Variants in SLC24A2 observed in about 807,000 individuals in gnomAD.
SLC24A2 encodes the protein sodium/potassium/calcium exchanger 2.
SLC24A2 carries 36 observed loss-of-function variants against 62.0 expected under a neutral mutation model. The observed-to-expected ratio is 0.58, with a 90% confidence interval of 0.44 to 0.77. The LOEUF (loss-of-function observed/expected upper bound fraction) is 0.77, where lower values mean the gene tolerates loss of function less well. Among genes scored for constraint, SLC24A2 ranks in the 30% least tolerant of loss-of-function variants. The probability of loss-of-function intolerance (pLI) is 0.00; values close to 1 mark genes in which losing one functional copy is unlikely to be tolerated. For synonymous variants in SLC24A2, 358 were observed against 294.0 expected (o/e 1.22, Z -2.23); for missense variants, 846 against 817.9 (o/e 1.03, Z -0.42).
At chr9:19,648,961 T>G (rs758860491) in intron 2 of SLC24A2, among the ~76,000 whole-genome samples, 2 of 128,540 alleles carry the variant, frequency 1.6e-5, no homozygotes, top group Non-Finnish European at 3.1e-5. Flanking sequence ...TATTCCAAAA[T>G]GAGAGGGCTT....
chr9:20,261,698 C>G, the SLC24A2 span, among the ~76,000 whole-genome samples: 2 of 148,786 alleles, frequency 1.3e-5, no homozygotes, highest in African/African-American at 5.0e-5. Context: ...AAAGTAAAGC[C>G]TGGCCATTTT....
At chr9:19,821,643 A>G in the SLC24A2 span, among the ~76,000 whole-genome samples, 1 of 152,052 alleles carries the variant, frequency 6.6e-6, no homozygotes, top group African/African-American at 2.4e-5. Flanking sequence ...CTGTATTTCT[A>G]TTTCTTAGAT....
intron 7 of SLC24A2, among the ~76,000 whole-genome samples, chr9:19,553,876 G>C (rs1834958811): frequency 6.6e-6 from 1 of 152,206 alleles, no homozygotes; most frequent in Non-Finnish European, 1.5e-5. Flanking sequence ...AACGTGGCAA[G>C]AGACTACTGC....
intron 8 of SLC24A2, among the ~76,000 whole-genome samples, chr9:19,548,438 A>G (rs1177629975): frequency 6.6e-6 from 1 of 152,170 alleles, no homozygotes; most frequent in Non-Finnish European, 1.5e-5. Flanking sequence ...CCAACAATAT[A>G]CATATTCCTA....
intron 2 of SLC24A2, among the ~76,000 whole-genome samples, chr9:19,754,462 A>C (rs1015389588): frequency 3.3e-5 from 5 of 152,118 alleles, no homozygotes; most frequent in Admixed American, 3.3e-4. Flanking sequence ...TGTCTATTCC[A>C]CTTTCCTTCT....
intron 2 of SLC24A2, among the ~76,000 whole-genome samples, chr9:19,706,787 C>T (rs947758314): frequency 9.9e-5 from 15 of 151,888 alleles, no homozygotes; most frequent in South Asian, 2.1e-4. Context: ...GCAATAAATG[C>T]CCACAAGAGA....
chr9:19,658,286 G>A (rs372470821), intron 2 of SLC24A2, among the ~76,000 whole-genome samples: 162 of 152,162 alleles, frequency 1.1e-3, no homozygotes, highest in Admixed American at 5.2e-3. Context: ...GATAAGTGGT[G>A]GTGGGGAAGC....
At chr9:20,048,287 G>C in the SLC24A2 span, among the ~76,000 whole-genome samples, 1 of 152,164 alleles carries the variant, frequency 6.6e-6, no homozygotes, top group Admixed American at 6.5e-5. Flanking sequence ...AGCACTCCTA[G>C]TTTATCTCTT....
At chr9:19,934,493 C>T in the SLC24A2 span, among the ~76,000 whole-genome samples, 1 of 152,120 alleles carries the variant, frequency 6.6e-6, no homozygotes, top group African/African-American at 2.4e-5. The surrounding 1 kb of genome is among the most constrained non-coding windows in gnomAD (Gnocchi z 4.1). Flanking sequence ...CATTGCAGCT[C>T]CCAGGTCCCC....
the SLC24A2 span, among the ~76,000 whole-genome samples, chr9:20,239,712 C>T: frequency 0.21 from 32,546 of 152,158 alleles, 5,613 homozygotes; most frequent in African/African-American, 0.48. Flanking sequence ...ACTTTAGATA[C>T]CTGAACTGTA....
At chr9:19,679,082 A>G (rs1266152591) in intron 2 of SLC24A2, among the ~76,000 whole-genome samples, 1 of 152,160 alleles carries the variant, frequency 6.6e-6, no homozygotes, top group African/African-American at 2.4e-5. Context: ...TTCCATTGAG[A>G]AAAGGGACCT....
the SLC24A2 span, among the ~76,000 whole-genome samples, chr9:20,043,469 G>T: frequency 4.6e-5 from 7 of 152,172 alleles, no homozygotes; most frequent in African/African-American, 1.2e-4. Flanking sequence ...ATATTGAAAA[G>T]CTTCTGGAAA....
chr9:19,800,448 T>A, the SLC24A2 span, among the ~76,000 whole-genome samples: 6 of 152,210 alleles, frequency 3.9e-5, no homozygotes, highest in African/African-American at 1.4e-4. Context: ...TATTACTTTT[T>A]AAAAAATTCT....
At chr9:20,213,023 G>GTT in the SLC24A2 span, among the ~76,000 whole-genome samples, 1 of 151,668 alleles carries the variant, frequency 6.6e-6, no homozygotes, top group Non-Finnish European at 1.5e-5. Flanking sequence ...CCTGACGGAG[G>GTT]GTGTGTGTGG....
the SLC24A2 span, among the ~76,000 whole-genome samples, chr9:20,020,117 T>C: frequency 6.6e-6 from 1 of 152,238 alleles, no homozygotes; most frequent in Non-Finnish European, 1.5e-5. Context: ...TCTTACACTG[T>C]TGGTGGCAGT....
the SLC24A2 span, among the ~76,000 whole-genome samples, chr9:19,798,620 A>ACG: frequency 6.6e-6 from 1 of 151,660 alleles, no homozygotes; most frequent in Non-Finnish European, 1.5e-5. Flanking sequence ...ACACACACAC[A>ACG]CACACACCCC....
chr9:20,000,691 T>C, the SLC24A2 span, among the ~76,000 whole-genome samples: 2 of 152,194 alleles, frequency 1.3e-5, no homozygotes, highest in African/African-American at 4.8e-5. Context: ...GTCAGTGTTA[T>C]ATAATTTTAA....
chr9:20,187,317 G>A, the SLC24A2 span, among the ~76,000 whole-genome samples: 59 of 152,212 alleles, frequency 3.9e-4, 1 homozygote, highest in South Asian at 0.012. Flanking sequence ...CCAGTAATTT[G>A]CCAATCAAAA....
rs926673660 is a variant in SLC24A2 at position 19,599,978 on chromosome 9, G to C, written c.1079-2699C>G. Among the ~76,000 whole-genome samples the C allele has an allele frequency of 1.3e-5, 2 of 152,158 alleles. No individual in the cohort carries two copies. The highest frequency in any genetic ancestry group is 1.9e-4 in the East Asian group (1 of 5,190). On this transcript the variant is annotated intron_variant, in intron 4 of 10. Coordinates refer to ENST00000341998, the MANE Select transcript of SLC24A2 (RefSeq NM_020344.4). The surrounding 1 kb of genome is among the most constrained non-coding windows in gnomAD (Gnocchi z 4.5). The stretch of plus-strand genomic sequence containing the variant: ...GGCTAATCCAAGGTTAGTTTTTTTG[G>C]GGATAGGAGGAAAGAAGTAAGGGAG...
Sources: allele counts gnomAD v4.1 joint callset (sites outside exome capture counted in the v4.1 genomes callset), GRCh38; gene constraint gnomAD v4.1.1; non-coding constraint Gnocchi (gnomAD v3.1); transcripts MANE v1.5; gene names NCBI Gene and HGNC (gene_info 2026-07-23, HGNC 2026-07-21).